LMTK2: variants seen among roughly 807,000 people sequenced by gnomAD.
LMTK2 encodes serine/threonine-protein kinase LMTK2.
In LMTK2, 37 loss-of-function variants were observed where a neutral mutation model predicts 127.5. That is an observed-to-expected ratio of 0.29 (90% confidence interval 0.22 to 0.38). LMTK2 has a LOEUF of 0.38. LMTK2 is among the 10% of genes least tolerant of loss of function. LMTK2 has a pLI of 1.00. For synonymous variants in LMTK2, 819 were observed against 810.1 expected (o/e 1.01, Z -0.19); for missense variants, 1,694 against 1,920.3 (o/e 0.88, Z 2.20).
chr7:98,134,083 G>A (rs1366428404), intron 1 of LMTK2, among the ~76,000 whole-genome samples: 3 of 152,200 alleles, frequency 2.0e-5, no homozygotes, highest in Admixed American at 2.0e-4. Context: ...CAAGGAAAGC[G>A]AGGGAGCTTG....
At chr7:98,181,352 T>C (rs1051084597) in intron 7 of LMTK2, among the ~76,000 whole-genome samples, 1 of 152,198 alleles carries the variant, frequency 6.6e-6, no homozygotes, top group Non-Finnish European at 1.5e-5. Flanking sequence ...CATAGCCCAT[T>C]GTAGCCTCCA....
At chr7:98,141,069 CAAAA>C (rs112518899) in intron 2 of LMTK2, among the ~76,000 whole-genome samples, 3 of 104,470 alleles carry the variant, frequency 2.9e-5, no homozygotes, top group Non-Finnish European at 1.8e-5. Flanking sequence ...AACCTTGTCT[CAAAA>C]AAAAAAAAAA....
intron 7 of LMTK2, among the ~76,000 whole-genome samples, chr7:98,184,311 G>T (rs543964293): frequency 4.1e-4 from 63 of 152,246 alleles, no homozygotes; most frequent in African/African-American, 1.5e-3. Context: ...CACCAGTTCC[G>T]AGTGTTTTCT....
Position 98,139,067 on chromosome 7 carries a change from C to T in LMTK2, c.231+1625C>T, listed in dbSNP as rs750415592. ...CAGTCTGGTAACACAGGTGACTTGC[C>T]GACATTCATCCAGATAGCCAGCAGC... On this transcript the variant is annotated intron_variant, in intron 2 of 13. Coordinates refer to ENST00000297293, the MANE Select transcript of LMTK2 (RefSeq NM_014916.4). Among the ~76,000 whole-genome samples, 7 of 152,110 alleles carry T rather than the reference C, an allele frequency of 4.6e-5. No individual in the cohort carries two copies. In the East Asian group the frequency reaches 7.7e-4, roughly 17 times the overall value.
At chr7:98,150,825 G>A (rs960166919) in intron 3 of LMTK2, among the ~76,000 whole-genome samples, 3 of 152,228 alleles carry the variant, frequency 2.0e-5, no homozygotes, top group East Asian at 1.9e-4. Context: ...CAGACAGCAC[G>A]TGAATGGTTG....
intron 1 of LMTK2, among the ~76,000 whole-genome samples, chr7:98,113,303 T>C (rs1437598467): frequency 6.6e-6 from 1 of 152,166 alleles, no homozygotes; most frequent in African/African-American, 2.4e-5. Flanking sequence ...ACGAAGGACA[T>C]GTTTGCTTCC....
At chr7:98,139,910 A>T (rs993306501) in intron 2 of LMTK2, among the ~76,000 whole-genome samples, 3 of 152,164 alleles carry the variant, frequency 2.0e-5, no homozygotes, top group South Asian at 2.1e-4. Flanking sequence ...TGGTGCCTGG[A>T]GGGCTAATAC....
chr7:98,174,571 A>G (rs1797248450), intron 7 of LMTK2, among the ~76,000 whole-genome samples: 1 of 152,198 alleles, frequency 6.6e-6, no homozygotes, highest in African/African-American at 2.4e-5. Context: ...AGATGCCACC[A>G]GGTCGCTGTG....
chr7:98,182,867 G>A (rs1049635174), intron 7 of LMTK2, among the ~76,000 whole-genome samples: 6 of 152,200 alleles, frequency 3.9e-5, no homozygotes, highest in Admixed American at 1.3e-4. Flanking sequence ...CTTTCCAATT[G>A]TCTGAATGAA....
In LMTK2 at chr7:98,208,561, A is replaced by C. The variant is rs1797843442; in HGVS notation, c.*3069A>C. The C allele has an allele frequency of 6.6e-6, 1 of 152,238 alleles. No individual in the cohort carries two copies. Among genetic ancestry groups the C allele is most frequent in the Non-Finnish European group, 1.5e-5 (1 of 68,034 alleles). The allele number at this position is 152,238 out of a possible 1,614,324, so 9.4% of individuals were successfully genotyped here. Reference sequence around the variant, plus strand: ...GGGGTAGCAACCCAGAATCAATCTGAATTAGTCCTGTTTTGGTGGAGTTTG... The same window carrying C: ...GGGGTAGCAACCCAGAATCAATCTGCATTAGTCCTGTTTTGGTGGAGTTTG... On this transcript the variant is annotated 3_prime_UTR_variant, in exon 14 of 14. Transcript: ENST00000297293.
In LMTK2 at chr7:98,193,715, G is replaced by A. The variant is rs747405710; in HGVS notation, c.3250G>A (p.Gly1084Ser). The A allele has an allele frequency of 2.5e-6, 4 of 1,613,850 alleles. No individual in the cohort carries two copies. In the Admixed American group the frequency reaches 5.0e-5, roughly 20 times the overall value. ...CTCAGATGCCGGCGATGGTCACAGA[G>A]GCACAGAAGTGACCCCTGAGACGTT... is the stretch of plus-strand genomic sequence containing the variant. ...VISDAGDGHRGTEVTPETFTA... is the reference protein window; with the variant it reads ...VISDAGDGHRSTEVTPETFTA... The change falls in exon 11 of 14, where the codon GGC (glycine) becomes AGC (serine). Residue 1084 changes from glycine to serine, a missense_variant. Physicochemically the swap from Gly to Ser is moderately conservative, Grantham distance 56. Transcript: ENST00000297293. The surrounding 1 kb of genome is among the most constrained non-coding windows in gnomAD (Gnocchi z 4.1).
In LMTK2 at chr7:98,191,798, C is replaced by T; in HGVS notation, c.1333C>T (p.Pro445Ser). The T allele has an allele frequency of 6.2e-7, 1 of 1,614,150 alleles. No individual in the cohort carries two copies. Among genetic ancestry groups the T allele is most frequent in the Non-Finnish European group, 8.5e-7 (1 of 1,180,036 alleles). Residue 445 changes from proline (P) to serine (S), a missense_variant, in exon 11 of 14, where the codon CCA becomes TCA. Around this residue, in one of 8 missense-constraint regions of LMTK2, gnomAD observed 216 missense variants for 266.8 expected, o/e 0.81. Coordinates refer to ENST00000297293, the MANE Select transcript of LMTK2 (RefSeq NM_014916.4). ...AGACTCCTCCAACAATGCTGCATTC[C>T]CAATTCTCGACCACTTTGCCAGGGA... ...SRDSSNNAAF[P>S]ILDHFARDRL...
intron 2 of LMTK2, among the ~76,000 whole-genome samples, chr7:98,140,884 CAA>C (rs35204584): frequency 3.7e-5 from 5 of 134,200 alleles, no homozygotes; most frequent in Non-Finnish European, 3.3e-5. Context: ...TCTGCCTCTA[CAA>C]AAAAAAAAAA....
At chr7:98,198,351 T>C (rs1161567432) in intron 11 of LMTK2, among the ~76,000 whole-genome samples, 1 of 151,918 alleles carries the variant, frequency 6.6e-6, no homozygotes, top group Non-Finnish European at 1.5e-5. Flanking sequence ...CCACCGCGCT[T>C]GGCTAATTTT....
intron 1 of LMTK2, among the ~76,000 whole-genome samples, chr7:98,116,706 A>G (rs932463466): frequency 3.9e-5 from 6 of 152,246 alleles, no homozygotes; most frequent in African/African-American, 1.4e-4. Context: ...CAACTAAGGA[A>G]CAAGTATTAA....
At chr7:98,136,946 A>T (rs1422894629) in intron 1 of LMTK2, among the ~76,000 whole-genome samples, 4 of 152,226 alleles carry the variant, frequency 2.6e-5, no homozygotes, top group Admixed American at 2.6e-4. Context: ...GTCTGAAAAG[A>T]AAAAAGGACT....
rs1192444903 is a variant in LMTK2, at chr7:98,122,677, GGT to G, written c.104-14589_104-14588del. On this transcript the variant is annotated intron_variant, in intron 1 of 13. Coordinates refer to ENST00000297293, the MANE Select transcript of LMTK2 (RefSeq NM_014916.4). ...AACAGTTCAGTGAATAACTCTACAT[GGT>G]GTGTGTGTGTGTGTGTGTGTGTGTG... Among the ~76,000 whole-genome samples, 188 of 108,292 alleles carry G rather than the reference GGT, an allele frequency of 1.7e-3. 1 individual carries two copies. The highest frequency in any genetic ancestry group is 6.3e-3 in the African/African-American group (169 of 26,768). 71.0% of individuals were successfully genotyped at this position (108,292 alleles called of 152,430 possible).
rs1797512755 is a variant in LMTK2, at chr7:98,190,887, C to T, written c.1148+10C>T. The stretch of plus-strand genomic sequence containing the variant: ...CCTACTCTGATAGATGGTTGGTAGC[C>T]TCACATTCCGCCTGTTCTGTTTCGT... On this transcript the variant is annotated intron_variant, in intron 10 of 13. Coordinates refer to ENST00000297293, the MANE Select transcript of LMTK2 (RefSeq NM_014916.4). The T allele has an allele frequency of 6.2e-7, 1 of 1,613,542 alleles. No homozygotes were observed. Among genetic ancestry groups the T allele is most frequent in the African/African-American group, 1.3e-5 (1 of 74,920 alleles).
At chr7:98,201,780 T>C (rs1797708455) in intron 11 of LMTK2, among the ~76,000 whole-genome samples, 1 of 152,172 alleles carries the variant, frequency 6.6e-6, no homozygotes, top group Non-Finnish European at 1.5e-5. Context: ...TAGCTAATTT[T>C]TAAATTGTTT....
Sources: gnomAD v4.1 joint callset for allele counts (sites outside exome capture counted in the v4.1 genomes callset) on GRCh38, gnomAD v4.1.1 for gene constraint, gnomAD v4.1.1 regional missense constraint, Gnocchi (gnomAD v3.1) non-coding constraint, MANE v1.5 for transcripts, NCBI Gene and HGNC (gene_info 2026-07-23, HGNC 2026-07-21) for gene names.